Variants in CSTPP1 observed in about 807,000 individuals in gnomAD.
CSTPP1 encodes the protein centriolar satellite-associated tubulin polyglutamylase complex regulator 1.
chr11:47,017,419 C>T, the CSTPP1 span, among the ~76,000 whole-genome samples: 8 of 152,118 alleles, frequency 5.3e-5, no homozygotes, highest in African/African-American at 1.2e-4. Flanking sequence ...GTGATCTTCC[C>T]GCCTTGGCCT....
At chr11:47,084,886 T>A in the CSTPP1 span, among the ~76,000 whole-genome samples, 1 of 152,080 alleles carries the variant, frequency 6.6e-6, no homozygotes, top group South Asian at 2.1e-4. Context: ...GAGAATTGGA[T>A]TGAAATTATT....
chr11:46,958,620 T>C, the CSTPP1 span, among the ~76,000 whole-genome samples: 1 of 152,152 alleles, frequency 6.6e-6, no homozygotes, highest in Non-Finnish European at 1.5e-5. Flanking sequence ...CCCACTTTGT[T>C]AAAGGGTCAG....
the CSTPP1 span, among the ~76,000 whole-genome samples, chr11:47,060,624 T>TA: frequency 2.6e-5 from 4 of 152,120 alleles, no homozygotes; most frequent in African/African-American, 9.7e-5. Flanking sequence ...ATAAGAATGA[T>TA]ACAATGGACT....
At chr11:46,965,188 A>G in the CSTPP1 span, among the ~76,000 whole-genome samples, 2 of 151,872 alleles carry the variant, frequency 1.3e-5, no homozygotes, top group Non-Finnish European at 2.9e-5. Flanking sequence ...TAAAATAACA[A>G]TAATCAGCCT....
At chr11:46,967,466 A>G in the CSTPP1 span, among the ~76,000 whole-genome samples, 12 of 152,316 alleles carry the variant, frequency 7.9e-5, no homozygotes, top group East Asian at 2.3e-3. Context: ...TAGCTTTACC[A>G]TAAATCTTAA....
chr11:47,053,201 G>T, the CSTPP1 span, among the ~76,000 whole-genome samples: 2 of 152,172 alleles, frequency 1.3e-5, no homozygotes, highest in Non-Finnish European at 2.9e-5. Flanking sequence ...AAGCACAAAA[G>T]AACCTAGAAT....
At chr11:47,096,171 A>G in the CSTPP1 span, among the ~76,000 whole-genome samples, 1 of 152,336 alleles carries the variant, frequency 6.6e-6, no homozygotes, top group Non-Finnish European at 1.5e-5. Flanking sequence ...TGAATTTTTA[A>G]AAATAAGACA....
At chr11:47,100,950 AT>A in the CSTPP1 span, among the ~76,000 whole-genome samples, 1 of 151,074 alleles carries the variant, frequency 6.6e-6, no homozygotes, top group Non-Finnish European at 1.5e-5. Context: ...ATAACAAGTT[AT>A]TTCTTGAAGT....
At chr11:47,132,521 C>T in the CSTPP1 span, among the ~76,000 whole-genome samples, 1 of 152,160 alleles carries the variant, frequency 6.6e-6, no homozygotes, top group Non-Finnish European at 1.5e-5. Context: ...TAGGTAGGTA[C>T]TGTAGTTCTT....
the CSTPP1 span, among the ~76,000 whole-genome samples, chr11:46,941,864 G>C: frequency 6.6e-6 from 1 of 152,178 alleles, no homozygotes; most frequent in South Asian, 2.1e-4. Flanking sequence ...AAACCCAAAA[G>C]CTAAAGTTGA....
the CSTPP1 span, among the ~76,000 whole-genome samples, chr11:47,011,917 A>T: frequency 8.5e-5 from 13 of 152,164 alleles, no homozygotes; most frequent in Non-Finnish European, 1.9e-4. Context: ...TGCACCCTAG[A>T]CATGTAATAA....
the CSTPP1 span, among the ~76,000 whole-genome samples, chr11:47,038,841 C>T: frequency 5.8e-5 from 7 of 119,950 alleles, no homozygotes; most frequent in East Asian, 1.1e-3. Context: ...GGTTGCCAGG[C>T]AGAGGGTCTC....
chr11:47,072,006 A>G, the CSTPP1 span, among the ~76,000 whole-genome samples: 1 of 152,218 alleles, frequency 6.6e-6, no homozygotes, highest in East Asian at 1.9e-4. Flanking sequence ...CACGGACTCC[A>G]CTAAGCCCAT....
the CSTPP1 span, among the ~76,000 whole-genome samples, chr11:46,944,977 A>G: frequency 6.6e-6 from 1 of 152,202 alleles, no homozygotes; most frequent in African/African-American, 2.4e-5. Context: ...AGGTTCTGAC[A>G]TAGGACCCCT....
At chr11:47,087,647 C>T in the CSTPP1 span, among the ~76,000 whole-genome samples, 5 of 151,928 alleles carry the variant, frequency 3.3e-5, no homozygotes. Flanking sequence ...TGCAGTGAGC[C>T]GAGATCGCAC....
At chr11:47,129,033 G>A in the CSTPP1 span, among the ~76,000 whole-genome samples, 1 of 152,156 alleles carries the variant, frequency 6.6e-6, no homozygotes, top group Admixed American at 6.6e-5. Flanking sequence ...CCATTAGGAG[G>A]GATTAAGGTT....
chr11:46,969,825 C>T, the CSTPP1 span, among the ~76,000 whole-genome samples: 1 of 152,106 alleles, frequency 6.6e-6, no homozygotes, highest in Non-Finnish European at 1.5e-5. Context: ...AGTGCAGTGG[C>T]ATGATCTCAG....
At chr11:46,959,913 C>T in the CSTPP1 span, among the ~76,000 whole-genome samples, 4 of 145,640 alleles carry the variant, frequency 2.7e-5, no homozygotes, top group Admixed American at 1.4e-4. Context: ...GTAACCCAGG[C>T]TGGAATGCAA....
the CSTPP1 span, chr11:46,948,147 A>G: frequency 2.2e-6 from 1 of 456,324 alleles, no homozygotes. Flanking sequence ...CATGCCCCAA[A>G]GTCCTGCAAA....
Sources: gnomAD v4.1 joint callset for allele counts (sites outside exome capture counted in the v4.1 genomes callset) on GRCh38, gnomAD v4.1.1 for gene constraint, MANE v1.5 for transcripts, NCBI Gene and HGNC (gene_info 2026-07-23, HGNC 2026-07-21) for gene names.